The following TBC1D22A variants were observed in gnomAD, a reference collection of about 807,000 sequenced individuals.
The protein encoded by TBC1D22A is putative GTPase activator.
Under a neutral mutation model 60.2 loss-of-function variants are expected in TBC1D22A, and 38 were observed. That is an observed-to-expected ratio of 0.63 (90% CI 0.49 to 0.83). The LOEUF (loss-of-function observed/expected upper bound fraction) is 0.83. TBC1D22A is among the 40% of genes least tolerant of loss of function. The pLI is 0.00. For synonymous variants in TBC1D22A, 302 were observed against 281.7 expected (o/e 1.07, Z -0.72); for missense variants, 628 against 701.0 (o/e 0.90, Z 1.18).
chr22:47,110,846 G>A (rs2065819587), intron 11 of TBC1D22A, among the ~76,000 whole-genome samples: 1 of 152,214 alleles, frequency 6.6e-6, no homozygotes, highest in African/African-American at 2.4e-5. Context: ...CGGTGTGGGA[G>A]GGCCTCTGGG....
chr22:46,829,071 G>T lies in TBC1D22A; in HGVS notation c.637+31451G>T, dbSNP rs568882052. ...CCCCCACCCCCTCCACATTTCTGCT[G>T]GTGGTCAGGGGTGGGGGTTTCCCTG... On this transcript the variant is annotated intron_variant, in intron 4 of 12. Transcript: ENST00000337137. Among the ~76,000 whole-genome samples, 3 of 152,300 alleles carry T rather than the reference G, an allele frequency of 2.0e-5. No homozygotes were observed. The South Asian group carries it at 6.2e-4, about 32-fold the overall frequency.
At chr22:47,155,214 G>GAAA (rs61662246) in intron 12 of TBC1D22A, among the ~76,000 whole-genome samples, 2 of 146,118 alleles carry the variant, frequency 1.4e-5, no homozygotes, top group African/African-American at 4.9e-5. Flanking sequence ...TCCTTTTTTG[G>GAAA]AAAAAAAAAA....
intron 8 of TBC1D22A, among the ~76,000 whole-genome samples, chr22:46,961,229 A>T (rs896985487): frequency 6.6e-6 from 1 of 152,196 alleles, no homozygotes; most frequent in Non-Finnish European, 1.5e-5. Flanking sequence ...CATAATATTA[A>T]GACAATCTTG....
At chr22:46,852,658 T>C (rs1426515589) in intron 4 of TBC1D22A, among the ~76,000 whole-genome samples, 1 of 152,178 alleles carries the variant, frequency 6.6e-6, no homozygotes, top group African/African-American at 2.4e-5. Context: ...CTTGACCCCT[T>C]TGACCATCAG....
Position 47,050,064 on chromosome 22 carries a change from G to A in TBC1D22A, c.1329+12866G>A, listed in dbSNP as rs2063158980. Among the ~76,000 whole-genome samples, 6 of 151,606 alleles carry A rather than the reference G, an allele frequency of 4.0e-5. No individual in the cohort carries two copies. The South Asian group carries it at 1.3e-3, about 32-fold the overall frequency. On this transcript the variant is annotated intron_variant, in intron 11 of 12. Coordinates refer to ENST00000337137, the MANE Select transcript of TBC1D22A (RefSeq NM_014346.5). Reference sequence around the variant, plus strand: ...TTGTCCCCCAGGCTTGAGTGCAGTGGCTCGATCTCAGCCCACTGCAACCTC... The same window carrying A: ...TTGTCCCCCAGGCTTGAGTGCAGTGACTCGATCTCAGCCCACTGCAACCTC...
At chr22:47,055,215 T>C (rs981223357) in intron 11 of TBC1D22A, among the ~76,000 whole-genome samples, 2 of 152,226 alleles carry the variant, frequency 1.3e-5, no homozygotes, top group African/African-American at 4.8e-5. Context: ...CTCCCACAAG[T>C]CTTTCTCTTT....
intron 12 of TBC1D22A, among the ~76,000 whole-genome samples, chr22:47,132,610 C>T (rs906601249): frequency 6.6e-6 from 1 of 152,246 alleles, no homozygotes; most frequent in African/African-American, 2.4e-5. Flanking sequence ...TGCTTCTCCC[C>T]AGTGCGAGTG....
intron 4 of TBC1D22A, among the ~76,000 whole-genome samples, chr22:46,866,816 G>T (rs549029167): frequency 6.6e-6 from 1 of 152,342 alleles, no homozygotes; most frequent in Non-Finnish European, 1.5e-5. Flanking sequence ...AGTGCAGCAG[G>T]CATGCGGAAG....
At chr22:47,030,102 C>T (rs911582058) in intron 10 of TBC1D22A, among the ~76,000 whole-genome samples, 5 of 152,244 alleles carry the variant, frequency 3.3e-5, no homozygotes, top group African/African-American at 1.2e-4. Context: ...GCCCTGCTCA[C>T]TGTCAGTGGC....
intron 4 of TBC1D22A, among the ~76,000 whole-genome samples, chr22:46,801,756 C>T (rs974503931): frequency 1.3e-5 from 2 of 152,252 alleles, no homozygotes; most frequent in Admixed American, 6.5e-5. Flanking sequence ...GCACGACGAC[C>T]CGTCCGTCAA....
chr22:47,043,911 C>T (rs1268673338), intron 11 of TBC1D22A, among the ~76,000 whole-genome samples: 2 of 36,146 alleles, frequency 5.5e-5, no homozygotes, highest in African/African-American at 1.8e-4. Flanking sequence ...CTCTGTGTGC[C>T]TTGCTCAGAC....
chr22:47,012,352 C>G (rs1451040335), intron 10 of TBC1D22A, among the ~76,000 whole-genome samples: 2 of 152,148 alleles, frequency 1.3e-5, no homozygotes, highest in African/African-American at 2.4e-5. Flanking sequence ...GCCATTAAAA[C>G]CCAGACTAGC....
chr22:47,073,761 A>G (rs1311135060), intron 11 of TBC1D22A, among the ~76,000 whole-genome samples: 3 of 152,174 alleles, frequency 2.0e-5, no homozygotes, highest in Non-Finnish European at 2.9e-5. Flanking sequence ...ACATGGGCAA[A>G]CAGCCCTTTG....
chr22:47,125,511 C>G lies in TBC1D22A; in HGVS notation c.1425+13908C>G, dbSNP rs181857850. On this transcript the variant is annotated intron_variant, in intron 12 of 12. Coordinates refer to ENST00000337137, the MANE Select transcript of TBC1D22A (RefSeq NM_014346.5). ...TGCAGTAGAATTGGAAGGTTCAAAT[C>G]ATTTCTGGGGAAAGTGGGGTTTGGG... Among the ~76,000 whole-genome samples, 23 of 152,344 alleles carry G rather than the reference C, an allele frequency of 1.5e-4. No homozygotes were observed. In the East Asian group the frequency reaches 3.5e-3, roughly 23 times the overall value.
intron 9 of TBC1D22A, among the ~76,000 whole-genome samples, chr22:46,982,123 C>T (rs2074536727): frequency 6.6e-6 from 1 of 151,992 alleles, no homozygotes; most frequent in African/African-American, 2.4e-5. Flanking sequence ...TGATGTTTGA[C>T]AGCTCTGGAA....
At chr22:47,096,373 A>C (rs2065173921) in intron 11 of TBC1D22A, among the ~76,000 whole-genome samples, 1 of 152,180 alleles carries the variant, frequency 6.6e-6, no homozygotes, top group Admixed American at 6.5e-5. Context: ...GAGGATTTTG[A>C]AGTAGAATAC....
rs188509845 is a variant in TBC1D22A at position 46,793,538 on chromosome 22, G to A, written c.157G>A (p.Val53Met). ...CACGGCCAAGATGCCGACCACACCA[G>A]TGAAGGCCAAGAGGGTCAGCACCTT... Reference protein sequence around the residue: ...RSTAKMPTTPVKAKRVSTFQE... With the variant: ...RSTAKMPTTPMKAKRVSTFQE... Residue 53 changes from valine (V) to methionine (M), a missense_variant, in exon 3 of 13, where the codon GTG (valine) becomes ATG (methionine). By Grantham distance (21) the Val-to-Met change is conservative. Transcript: ENST00000337137. 4.4e-5 allele frequency: 71 copies of A among 1,614,224 alleles called. 1 individual carries two copies. In the Middle Eastern group the frequency reaches 1.3e-3, roughly 30 times the overall value.
At chr22:47,122,728 G>T (rs1352170895) in intron 12 of TBC1D22A, among the ~76,000 whole-genome samples, 1 of 152,264 alleles carries the variant, frequency 6.6e-6, no homozygotes, top group Non-Finnish European at 1.5e-5. Flanking sequence ...CCTGTGCTCT[G>T]CAGAGACCCA....
chr22:47,122,978 A>T lies in TBC1D22A; in HGVS notation c.1425+11375A>T, dbSNP rs1569459534. Among the ~76,000 whole-genome samples the T allele has an allele frequency of 3.3e-5, 5 of 152,236 alleles. 1 individual carries two copies. Among genetic ancestry groups the T allele is most frequent in the Admixed American group, 2.0e-4 (3 of 15,284 alleles). ...AAAGATCAATGGCAGCTTTAGAATT[A>T]TACCTGGAAGGAGGCGGAGAGAAGA... On this transcript the variant is annotated intron_variant, in intron 12 of 12. Transcript: ENST00000337137.
Sources: gnomAD v4.1 joint callset for allele counts (sites outside exome capture counted in the v4.1 genomes callset) on GRCh38, gnomAD v4.1.1 for gene constraint, MANE v1.5 for transcripts, NCBI Gene and HGNC (gene_info 2026-07-23, HGNC 2026-07-21) for gene names.